The following SI variants were observed in gnomAD, a reference collection of about 807,000 sequenced individuals.
The protein encoded by SI is sucrase-isomaltase, intestinal.
A neutral mutation model predicts 253.3 loss-of-function variants in SI; 235 were observed. That is an observed-to-expected ratio of 0.93 (90% CI 0.83 to 1.03). The LOEUF (loss-of-function observed/expected upper bound fraction) is 1.03, where lower values mean the gene tolerates loss of function less well. Among genes scored for constraint, SI ranks in the 50% least tolerant of loss-of-function variants. SI has a pLI of 0.00. For missense variants in SI, 2,442 were observed against 2,211.1 expected, an observed-to-expected ratio of 1.10 and a Z score of -2.09; for synonymous variants, 819 against 712.0, an observed-to-expected ratio of 1.15 and a Z score of -2.39.
At chr3:165,022,688 C>T (rs1232016028) in intron 26 of SI, among the ~76,000 whole-genome samples, 1 of 151,490 alleles carries the variant, frequency 6.6e-6, no homozygotes, top group African/African-American at 2.4e-5. Context: ...TCTCCAGTTC[C>T]ACACTGTTTT....
In SI at chr3:164,979,267, A is replaced by C; in HGVS notation, c.*95T>G. 1 of 781,324 alleles carries C rather than the reference A, an allele frequency of 1.3e-6. No homozygotes were observed. Among genetic ancestry groups the C allele is most frequent in the Non-Finnish European group, 2.3e-6 (1 of 432,336 alleles). The allele number at this position is 781,324 out of a possible 1,614,324, so 48.4% of individuals were successfully genotyped here. Reference sequence around the variant, plus strand: ...ATGTTATGAAAGCTATATTTTGTAGAGTACAAGAACCAAGTGAAGAGGGAA... The same window carrying C: ...ATGTTATGAAAGCTATATTTTGTAGCGTACAAGAACCAAGTGAAGAGGGAA... On this transcript the variant is annotated 3_prime_UTR_variant, in exon 48 of 48. Coordinates refer to ENST00000264382, the MANE Select transcript of SI (RefSeq NM_001041.4).
chr3:165,008,602 T>C (rs1229027494), intron 35 of SI, among the ~76,000 whole-genome samples: 1 of 152,012 alleles, frequency 6.6e-6, no homozygotes, highest in African/African-American at 2.4e-5. Flanking sequence ...CTAATAAACA[T>C]AGATGTTCCA....
intron 25 of SI, 53 bp from the exon 26 acceptor site, chr3:165,023,829 T>G (rs1711760335): frequency 7.7e-7 from 1 of 1,301,990 alleles, no homozygotes; most frequent in Non-Finnish European, 1.1e-6. Flanking sequence ...TGTAATATTT[T>G]ACTCTTTAAA....
At position 165,067,447 on chromosome 3, in the gene SI, A is replaced by G; in HGVS notation, c.528T>C (p.Tyr176=). The G allele has an allele frequency of 1.2e-6, 2 of 1,611,968 alleles. No individual in the cohort carries two copies. Among genetic ancestry groups the G allele is most frequent in the Non-Finnish European group, 1.7e-6 (2 of 1,178,282 alleles). ...CTGTGGGTCCAGTAAACTCTTTTAC[A>G]TACTGATGAGGAACTTCATATCTTC... is the stretch of plus-strand genomic sequence containing the variant. ...NNRRYEVPHQ[Y]VKEFTGPTVS... is the part of the protein sequence containing the mutation. The change falls in exon 6 of 48, where the codon TAT becomes TAC. Residue 176 remains tyrosine (Y), a synonymous_variant. Coordinates refer to ENST00000264382, the MANE Select transcript of SI (RefSeq NM_001041.4).
At chr3:165,042,068 A>C (rs1293331514) in intron 17 of SI, among the ~76,000 whole-genome samples, 1 of 151,698 alleles carries the variant, frequency 6.6e-6, no homozygotes, top group East Asian at 1.9e-4. Flanking sequence ...GGCTCTCCTC[A>C]TTTTCTCATG....
chr3:165,022,624 A>AC (rs1279011946), intron 26 of SI, among the ~76,000 whole-genome samples: 31 of 147,840 alleles, frequency 2.1e-4, no homozygotes, highest in Admixed American at 6.1e-4. Context: ...CACACACACA[A>AC]AATCTTCCAT....
In SI at chr3:165,032,584, C is replaced by T; in HGVS notation, c.2674G>A (p.Val892Met). 1 of 1,609,644 alleles carries T rather than the reference C, an allele frequency of 6.2e-7. No individual in the cohort carries two copies. Among genetic ancestry groups the T allele is most frequent in the Non-Finnish European group, 8.5e-7 (1 of 1,177,166 alleles). Residue 892 changes from valine (V) to methionine (M), a missense_variant, in exon 24 of 48, where the codon GTG becomes ATG. Transcript: ENST00000264382. ...GLTDSVTEVR[V>M]AENNQPMNAH... ...TTCATTGGTTGATTATTTTCCGCCA[C>T]TCTAACTTCTGTAACACTGTCTGTC...
chr3:164,993,432 C>A (rs2108129399), intron 41 of SI, among the ~76,000 whole-genome samples: 1 of 151,738 alleles, frequency 6.6e-6, no homozygotes, highest in East Asian at 1.9e-4. Flanking sequence ...AGAAGGCATA[C>A]CAATTCACTT....
chr3:164,984,395 T>C (rs1717340401), intron 45 of SI, among the ~76,000 whole-genome samples: 1 of 152,164 alleles, frequency 6.6e-6, no homozygotes, highest in African/African-American at 2.4e-5. Context: ...ATTTAATATG[T>C]ATTACAAGAC....
At chr3:164,988,199 G>A (rs1051398482) in intron 44 of SI, among the ~76,000 whole-genome samples, 2 of 152,128 alleles carry the variant, frequency 1.3e-5, no homozygotes, top group Non-Finnish European at 2.9e-5. Flanking sequence ...AATCACAAAT[G>A]TTGAAGAATG....
chr3:165,011,742 A>G (rs902996237), intron 34 of SI, among the ~76,000 whole-genome samples: 3 of 148,242 alleles, frequency 2.0e-5, no homozygotes, highest in African/African-American at 7.4e-5. Context: ...TTTATTATTT[A>G]TTTATTCATT....
chr3:164,998,740 G>A (rs1333116503), intron 37 of SI, 67 bp from the exon 38 acceptor site: 10 of 1,311,960 alleles, frequency 7.6e-6, no homozygotes, highest in African/African-American at 4.4e-5. Flanking sequence ...ATCTACTTAC[G>A]ACTACTTTGT....
chr3:164,997,732 A>G (rs1186630838), intron 38 of SI, among the ~76,000 whole-genome samples: 1 of 151,716 alleles, frequency 6.6e-6, no homozygotes, highest in Non-Finnish European at 1.5e-5. Context: ...ATAAGTTAGA[A>G]TATGTGGTAT....
At chr3:165,012,797 G>A (rs1257549904) in intron 34 of SI, among the ~76,000 whole-genome samples, 183 bp downstream of exon 34, 1 of 152,186 alleles carries the variant, frequency 6.6e-6, no homozygotes, top group South Asian at 2.1e-4. Context: ...GCTTAATAGG[G>A]TGACTGGTAC....
At chr3:165,086,712 C>A in the SI span, among the ~76,000 whole-genome samples, 1 of 152,132 alleles carries the variant, frequency 6.6e-6, no homozygotes, top group African/African-American at 2.4e-5. Context: ...CTAAGTAAAT[C>A]CAGAAGAACT....
At chr3:165,075,548 G>A (rs1227542596) in intron 2 of SI, among the ~76,000 whole-genome samples, 2 of 151,810 alleles carry the variant, frequency 1.3e-5, no homozygotes, top group Admixed American at 1.3e-4. Flanking sequence ...GTGTGTGAAG[G>A]CTGGAGCAAA....
chr3:165,062,508 A>G (rs1417680895), intron 8 of SI, 25 bp from the exon 9 acceptor site: 1 of 1,144,478 alleles, frequency 8.7e-7, no homozygotes, highest in Admixed American at 1.7e-5. Context: ...TGGTAAACTT[A>G]TATGTAAATA....
At chr3:164,996,175 G>A (rs894149929) in intron 40 of SI, among the ~76,000 whole-genome samples, 10 of 151,588 alleles carry the variant, frequency 6.6e-5, no homozygotes, top group East Asian at 3.9e-4. Flanking sequence ...AGCACATCAC[G>A]AGCTCTGCCA....
intron 25 of SI, among the ~76,000 whole-genome samples, chr3:165,024,924 A>G (rs1456221712): frequency 6.6e-6 from 1 of 151,344 alleles, no homozygotes; most frequent in Admixed American, 6.6e-5. Context: ...AAAGACTTCC[A>G]TGTTGCCAAA....
Sources: gnomAD v4.1 joint callset for allele counts (sites outside exome capture counted in the v4.1 genomes callset) on GRCh38, gnomAD v4.1.1 for gene constraint, MANE v1.5 for transcripts, NCBI Gene and HGNC (gene_info 2026-07-23, HGNC 2026-07-21) for gene names.